KCNIP3: variants seen among roughly 807,000 people sequenced by gnomAD.
The protein encoded by KCNIP3 is calsenilin.
KCNIP3 carries 28 observed loss-of-function variants against 35.0 expected under a neutral mutation model. That is an observed-to-expected ratio of 0.80 (90% CI 0.59 to 1.10). The LOEUF (loss-of-function observed/expected upper bound fraction) is 1.10, where lower values mean the gene tolerates loss of function less well. Ranked by LOEUF, KCNIP3 falls within the 50% of genes least tolerant of loss-of-function variation. The pLI is 0.00. For missense variants in KCNIP3, 295 were observed against 338.4 expected (o/e 0.87, Z 1.01); for synonymous variants, 134 against 133.8 (o/e 1.00, Z -0.01).
rs1195118414 is a variant in KCNIP3, at chr2:95,378,417, C to G, written c.448-3179C>G. On this transcript the variant is annotated intron_variant, in intron 5 of 8. Coordinates refer to ENST00000295225, the MANE Select transcript of KCNIP3 (RefSeq NM_013434.5). This position sits in a 1 kb window ranked among gnomAD's most constrained non-coding sequence, Gnocchi z 4.0. The stretch of plus-strand genomic sequence containing the variant: ...TGCTGGAATTGCAGGTGTGAGCCAC[C>G]ACACCTGGGTGTTGCTTCTTTAAAA... Among the ~76,000 whole-genome samples, 1 of 152,020 alleles carries G rather than the reference C, an allele frequency of 6.6e-6. No homozygotes were observed. The highest frequency in any genetic ancestry group is 2.4e-5 in the African/African-American group (1 of 41,406).
intron 2 of KCNIP3, among the ~76,000 whole-genome samples, chr2:95,342,739 T>A (rs1379201772): frequency 6.6e-6 from 1 of 152,174 alleles, no homozygotes; most frequent in African/African-American, 2.4e-5. Context: ...GGGGCCAGTC[T>A]CATGGAGGAC....
At chr2:95,383,524 C>T (rs1680403206) in intron 8 of KCNIP3, among the ~76,000 whole-genome samples, 1 of 144,566 alleles carries the variant, frequency 6.9e-6, no homozygotes, top group African/African-American at 2.5e-5. Context: ...CCCCCCACTA[C>T]CCCCACACCC....
chr2:95,358,543 T>C (rs1679714656), intron 2 of KCNIP3, among the ~76,000 whole-genome samples: 1 of 152,240 alleles, frequency 6.6e-6, no homozygotes, highest in African/African-American at 2.4e-5. Context: ...AACGGTGTAT[T>C]AGCCTGTTTT....
At chr2:95,311,027 C>A (rs768126557) in intron 2 of KCNIP3, 4 of 171,790 alleles carry the variant, frequency 2.3e-5, no homozygotes, top group Non-Finnish European at 5.1e-5. Context: ...TTGGTGCTGG[C>A]TCTTTGCCTT....
At chr2:95,336,422 A>T (rs1333801962) in intron 2 of KCNIP3, among the ~76,000 whole-genome samples, 1 of 152,232 alleles carries the variant, frequency 6.6e-6, no homozygotes, top group Non-Finnish European at 1.5e-5. Context: ...TTTAAACTAC[A>T]TCTTTTCATT....
intron 2 of KCNIP3, among the ~76,000 whole-genome samples, chr2:95,325,874 C>T (rs949626781): frequency 6.6e-6 from 1 of 151,364 alleles, no homozygotes; most frequent in Non-Finnish European, 1.5e-5. Context: ...CACACATACA[C>T]TCAGACATAC....
Position 95,384,012 on chromosome 2 carries a change from T to TCATG in KCNIP3, c.735_738dup (p.Ser247HisfsTer8), listed in dbSNP as rs897599155. The stretch of plus-strand genomic sequence containing the variant: ...CCTCTCTCCATGCAGGATGAGAACA[T>TCATG]CATGAGCTCCATGCAGCTGTTTGAG... On this transcript the variant is annotated frameshift_variant, in exon 9 of 9. Transcript: ENST00000295225. LOFTEE classifies it high-confidence loss of function. The TCATG allele has an allele frequency of 6.2e-6, 10 of 1,613,776 alleles. No individual in the cohort carries two copies. The highest frequency in any genetic ancestry group is 8.5e-6 in the Non-Finnish European group (10 of 1,179,974).
At position 95,384,433 on chromosome 2, in the gene KCNIP3, C is replaced by T. The variant is rs2104312292; in HGVS notation, c.*384C>T. The stretch of plus-strand genomic sequence containing the variant: ...GGTCCAATCTCCGGTGTGAGCCCAC[C>T]TCGTCCCGTTCTCCATTCTGCTTTC... On this transcript the variant is annotated 3_prime_UTR_variant, in exon 9 of 9. Transcript: ENST00000295225. 1 of 266,330 alleles carries T rather than the reference C, an allele frequency of 3.8e-6. No homozygotes were observed. Among genetic ancestry groups the T allele is most frequent in the Non-Finnish European group, 7.2e-6 (1 of 138,186 alleles). The allele number at this position is 266,330 out of a possible 1,614,324, so 16.5% of individuals were successfully genotyped here.
chr2:95,383,138 C>CCA, intron 7 of KCNIP3, 94 bp from the exon 8 acceptor site: 9 of 752,102 alleles, frequency 1.2e-5, no homozygotes, highest in Non-Finnish European at 1.5e-5. Flanking sequence ...CCCACCCGCC[C>CCA]ATCCACCCAC....
chr2:95,381,626 C>T lies in KCNIP3; in HGVS notation c.478C>T (p.Arg160Trp), dbSNP rs1435775106. Reference sequence around the variant, plus strand: ...TGTGGTTGGCCTCTCCATCCTGCTGCGGGGCACAGTCCACGAGAAGCTCAA... The same window carrying T: ...TGTGGTTGGCCTCTCCATCCTGCTGTGGGGCACAGTCCACGAGAAGCTCAA... ...DFVVGLSILL[R>W]GTVHEKLKWA... Residue 160 changes from arginine (R) to tryptophan (W), a missense_variant, in exon 6 of 9, where the codon CGG becomes TGG. Physicochemically the swap from Arg to Trp is moderately radical, Grantham distance 101. Coordinates refer to ENST00000295225, the MANE Select transcript of KCNIP3 (RefSeq NM_013434.5). 6.8e-6 allele frequency: 11 copies of T among 1,614,022 alleles called. No homozygotes were observed. Among genetic ancestry groups the T allele is most frequent in the Non-Finnish European group, 7.6e-6 (9 of 1,179,894 alleles).
At chr2:95,343,244 G>A (rs1236224247) in intron 2 of KCNIP3, among the ~76,000 whole-genome samples, 1 of 152,166 alleles carries the variant, frequency 6.6e-6, no homozygotes, top group Admixed American at 6.5e-5. Flanking sequence ...GAGATGGGGA[G>A]ACTTGGGAAG....
intron 2 of KCNIP3, among the ~76,000 whole-genome samples, chr2:95,350,624 G>A (rs1030990026): frequency 2.9e-4 from 44 of 152,306 alleles, no homozygotes; most frequent in African/African-American, 9.4e-4. Context: ...CTGCTGCAGA[G>A]AGCACAGAGG....
intron 5 of KCNIP3, among the ~76,000 whole-genome samples, chr2:95,380,005 T>C (rs1167199270): frequency 3.3e-5 from 5 of 152,148 alleles, no homozygotes; most frequent in South Asian, 4.1e-4. Flanking sequence ...CTACCCACTT[T>C]CCTCTGTTTT....
At chr2:95,316,841 A>C (rs558003344) in intron 2 of KCNIP3, among the ~76,000 whole-genome samples, 3 of 152,236 alleles carry the variant, frequency 2.0e-5, no homozygotes, top group African/African-American at 7.2e-5. Flanking sequence ...TCTCAGCCAC[A>C]TGTGGCTTGC....
At chr2:95,348,534 AG>A (rs1679434278) in intron 2 of KCNIP3, among the ~76,000 whole-genome samples, 3 of 152,210 alleles carry the variant, frequency 2.0e-5, no homozygotes, top group Admixed American at 2.0e-4. Flanking sequence ...TCCAGTGGCC[AG>A]GAGCAACAGC....
chr2:95,310,456 C>T lies in KCNIP3; in HGVS notation c.117C>T (p.Arg39=). ...GIKWQRPRLS[R]QALMRCCLVK... is the part of the protein sequence containing the mutation. ...AGTGGCAGAGGCCGAGGCTCAGCCG[C>T]CAGGCTTTGATGAGATGCTGCCTGG... The change falls in exon 2 of 9, where the codon CGC becomes CGT. Residue 39 remains arginine (R), a synonymous_variant. Coordinates refer to ENST00000295225, the MANE Select transcript of KCNIP3 (RefSeq NM_013434.5). The T allele has an allele frequency of 6.2e-7, 1 of 1,613,982 alleles. No homozygotes were observed. The highest frequency in any genetic ancestry group is 8.5e-7 in the Non-Finnish European group (1 of 1,179,984).
chr2:95,345,586 G>A (rs1026865501), intron 2 of KCNIP3, among the ~76,000 whole-genome samples: 1 of 152,282 alleles, frequency 6.6e-6, no homozygotes, highest in Non-Finnish European at 1.5e-5. Flanking sequence ...GCTTATAGGC[G>A]TGGAGCGGAG....
At chr2:95,345,921 T>C (rs1679343303) in intron 2 of KCNIP3, among the ~76,000 whole-genome samples, 1 of 152,190 alleles carries the variant, frequency 6.6e-6, no homozygotes, top group South Asian at 2.1e-4. Flanking sequence ...TCCGCTTAGC[T>C]CTTCCCCGCC....
At chr2:95,349,223 T>C (rs1215221913) in intron 2 of KCNIP3, among the ~76,000 whole-genome samples, 1 of 152,136 alleles carries the variant, frequency 6.6e-6, no homozygotes, top group Non-Finnish European at 1.5e-5. Flanking sequence ...AGATGAGCTG[T>C]GAGGAGCCCA....
Sources: allele counts gnomAD v4.1 joint callset (sites outside exome capture counted in the v4.1 genomes callset), GRCh38; gene constraint gnomAD v4.1.1; non-coding constraint Gnocchi (gnomAD v3.1); transcripts MANE v1.5; gene names NCBI Gene and HGNC (gene_info 2026-07-23, HGNC 2026-07-21).